Variants in MYRIP observed in about 807,000 individuals in gnomAD.
The protein encoded by MYRIP is myosin VIIA and Rab interacting protein, also known as rab effector MyRIP.
A neutral mutation model predicts 98.0 loss-of-function variants in MYRIP; 49 were observed. The observed-to-expected ratio is 0.50, with a 90% confidence interval of 0.40 to 0.63. The LOEUF (loss-of-function observed/expected upper bound fraction) is 0.63, where lower values mean the gene tolerates loss of function less well. Ranked by LOEUF, MYRIP falls within the 30% of genes least tolerant of loss-of-function variation. The pLI, the probability that MYRIP is intolerant of heterozygous loss-of-function variation, is 0.00. For missense variants in MYRIP, 1,004 were observed against 1,058.2 expected, an observed-to-expected ratio of 0.95 and a Z score of 0.71; for synonymous variants, 404 against 409.5, an observed-to-expected ratio of 0.99 and a Z score of 0.16.
At chr3:39,897,252 T>C (rs888791538) in intron 1 of MYRIP, among the ~76,000 whole-genome samples, 2 of 152,204 alleles carry the variant, frequency 1.3e-5, no homozygotes, top group African/African-American at 4.8e-5. Context: ...AAATTGATTC[T>C]GATAGACTTC....
chr3:39,990,779 T>G (rs1190108239), intron 2 of MYRIP, among the ~76,000 whole-genome samples: 8 of 152,224 alleles, frequency 5.3e-5, no homozygotes, highest in African/African-American at 1.9e-4. Context: ...GGACTCTGAA[T>G]GCATGTTCAT....
At chr3:40,153,610 T>C (rs1475266097) in intron 4 of MYRIP, among the ~76,000 whole-genome samples, 2 of 152,190 alleles carry the variant, frequency 1.3e-5, no homozygotes, top group African/African-American at 4.8e-5. Flanking sequence ...CCTGTATTAT[T>C]CCAAGGTACA....
chr3:39,934,953 C>G (rs1312333326), intron 2 of MYRIP, among the ~76,000 whole-genome samples: 13 of 152,176 alleles, frequency 8.5e-5, no homozygotes, highest in Admixed American at 8.5e-4. Context: ...GTCTTCCTCC[C>G]ACGACCTGGT....
intron 2 of MYRIP, among the ~76,000 whole-genome samples, chr3:40,014,035 A>T (rs1946812746): frequency 1.3e-5 from 2 of 152,222 alleles, no homozygotes; most frequent in African/African-American, 4.8e-5. Context: ...TTTCATAAGG[A>T]GGAGGAAACA....
At chr3:39,955,739 G>A (rs1200839797) in intron 2 of MYRIP, among the ~76,000 whole-genome samples, 1 of 152,126 alleles carries the variant, frequency 6.6e-6, no homozygotes, top group Non-Finnish European at 1.5e-5. Context: ...TGGCAAATTG[G>A]ATGAAGAGTC....
intron 5 of MYRIP, among the ~76,000 whole-genome samples, chr3:40,166,309 A>T (rs968505882): frequency 2.6e-5 from 4 of 152,236 alleles, no homozygotes; most frequent in South Asian, 2.1e-4. Context: ...TTATTTCCTT[A>T]TATGAAGCCC....
chr3:40,154,215 T>C (rs1433791580), intron 4 of MYRIP, among the ~76,000 whole-genome samples: 1 of 152,176 alleles, frequency 6.6e-6, no homozygotes, highest in African/African-American at 2.4e-5. Flanking sequence ...ACACACCTCG[T>C]ACTGCCATCA....
chr3:39,976,787 A>G (rs1372300449), intron 2 of MYRIP, among the ~76,000 whole-genome samples: 3 of 152,204 alleles, frequency 2.0e-5, no homozygotes, highest in African/African-American at 7.2e-5. Context: ...TTAGCAAACT[A>G]TCACAAGGAC....
intron 10 of MYRIP, among the ~76,000 whole-genome samples, chr3:40,199,280 T>TGTC (rs760382282): frequency 6.6e-6 from 1 of 152,174 alleles, no homozygotes; most frequent in Non-Finnish European, 1.5e-5. Flanking sequence ...CTTCTCATAA[T>TGTC]GTCACTCAAT....
intron 3 of MYRIP, among the ~76,000 whole-genome samples, chr3:40,060,242 A>C (rs1487780324): frequency 6.6e-6 from 1 of 152,150 alleles, no homozygotes; most frequent in Non-Finnish European, 1.5e-5. Context: ...TTGCCTGAGA[A>C]CTGTGAGTTC....
intron 6 of MYRIP, 56 bp from the exon 7 acceptor site, chr3:40,167,103 C>T: frequency 6.4e-7 from 1 of 1,566,034 alleles, no homozygotes; most frequent in Non-Finnish European, 8.8e-7. Flanking sequence ...GGCAAAGTGA[C>T]TGCCAAGTCA....
chr3:39,992,749 C>A (rs1946210115), intron 2 of MYRIP, among the ~76,000 whole-genome samples: 1 of 152,188 alleles, frequency 6.6e-6, no homozygotes, highest in Non-Finnish European at 1.5e-5. Flanking sequence ...TCCTACAAAT[C>A]TTCTTGTTTA....
At chr3:39,823,711 T>G (rs1471732301) in intron 1 of MYRIP, among the ~76,000 whole-genome samples, 1 of 152,174 alleles carries the variant, frequency 6.6e-6, no homozygotes, top group Non-Finnish European at 1.5e-5. Context: ...TTTTTTCTGT[T>G]GAGATGTTTG....
chr3:40,142,211 C>T (rs940850008), intron 3 of MYRIP, among the ~76,000 whole-genome samples: 3 of 151,816 alleles, frequency 2.0e-5, no homozygotes, highest in Non-Finnish European at 2.9e-5. Context: ...GCCACCACGC[C>T]GGGCTCATTT....
chr3:40,059,369 C>T (rs1391593375), intron 3 of MYRIP, among the ~76,000 whole-genome samples: 1 of 152,192 alleles, frequency 6.6e-6, no homozygotes, highest in Non-Finnish European at 1.5e-5. Flanking sequence ...CTGTCTTCCA[C>T]AATAGTTGAA....
At chr3:40,060,375 A>G (rs1319008217) in intron 3 of MYRIP, among the ~76,000 whole-genome samples, 1 of 152,082 alleles carries the variant, frequency 6.6e-6, no homozygotes, top group Non-Finnish European at 1.5e-5. Flanking sequence ...GAGTTCTGCC[A>G]CTTTTAGTTT....
intron 11 of MYRIP, among the ~76,000 whole-genome samples, chr3:40,232,409 G>A (rs1195115556): frequency 6.6e-6 from 1 of 152,162 alleles, no homozygotes; most frequent in East Asian, 1.9e-4. Flanking sequence ...GAGGGCCATC[G>A]GAAACCTTCT....
chr3:39,992,477 A>G (rs1437772579), intron 2 of MYRIP, among the ~76,000 whole-genome samples: 2 of 152,132 alleles, frequency 1.3e-5, no homozygotes, highest in Non-Finnish European at 2.9e-5. Context: ...GTGGCTCTTT[A>G]TTCTCTTTCC....
intron 2 of MYRIP, among the ~76,000 whole-genome samples, chr3:39,969,305 C>T (rs1300474644): frequency 1.3e-5 from 2 of 151,956 alleles, no homozygotes; most frequent in East Asian, 3.9e-4. Context: ...TATTTGGATC[C>T]CCTTTATTTC....
Sources: gnomAD v4.1 joint callset for allele counts (sites outside exome capture counted in the v4.1 genomes callset) on GRCh38, gnomAD v4.1.1 for gene constraint, MANE v1.5 for transcripts, NCBI Gene and HGNC (gene_info 2026-07-23, HGNC 2026-07-21) for gene names.